Variants in ANK3 observed in about 807,000 individuals in gnomAD.
ANK3 encodes the protein ankyrin-3.
Under a neutral mutation model 370.9 loss-of-function variants are expected in ANK3, and 57 were observed. The observed-to-expected ratio is 0.15, with a 90% CI of 0.12 to 0.19. The LOEUF (loss-of-function observed/expected upper bound fraction) is 0.19, where lower values mean the gene tolerates loss of function less well. Ranked by LOEUF, ANK3 falls within the 10% of genes least tolerant of loss-of-function variation. The pLI is 1.00. For missense variants in ANK3, 4,439 were observed against 5,302.1 expected (o/e 0.84, Z 5.06); for synonymous variants, 1,929 against 1,946.3 (o/e 0.99, Z 0.23).
At chr10:60,196,292 C>A in intron 15 of ANK3, 49 bp from the exon 16 acceptor site, 1 of 1,523,276 alleles carries the variant, frequency 6.6e-7, no homozygotes, top group South Asian at 1.1e-5. Context: ...TGTCTTAAAA[C>A]CAGAGGCTTA....
chr10:60,196,685 C>A (rs1591586927), intron 14 of ANK3, 60 bp from the exon 15 acceptor site: 2 of 1,098,642 alleles, frequency 1.8e-6, no homozygotes, highest in East Asian at 4.8e-5. Context: ...AAAACACACA[C>A]AAAACCCAAA....
rs753643114 is a variant in ANK3 at position 60,068,962 on chromosome 10, G to GGTGGTA, written c.11913_11918dup (p.Thr3977_Thr3978dup). On this transcript the variant is annotated inframe_insertion, in exon 37 of 44. Coordinates refer to ENST00000280772, the MANE Select transcript of ANK3 (RefSeq NM_020987.5). ...CTGTGCAGCTGGTGGTGGTGGTAGTGGTGGTAGTGGTGGTGGTGGTGGCAG... is the reference window on the plus strand; with the variant it reads ...CTGTGCAGCTGGTGGTGGTGGTAGTGGTGGTAGTGGTAGTGGTGGTGGTGGTGGCAG... 2 of 1,613,646 alleles carry GGTGGTA rather than the reference G, an allele frequency of 1.2e-6. No individual in the cohort carries two copies. Among genetic ancestry groups the GGTGGTA allele is most frequent in the Admixed American group, 1.7e-5 (1 of 59,960 alleles).
chr10:60,111,205 C>A (rs1474648837), intron 26 of ANK3, among the ~76,000 whole-genome samples: 1 of 152,134 alleles, frequency 6.6e-6, no homozygotes, highest in Non-Finnish European at 1.5e-5. Flanking sequence ...AATATCTCAG[C>A]TGTAAAGAAT....
upstream of ANK3, among the ~76,000 whole-genome samples, chr10:60,392,693 C>T (rs2063137337): frequency 6.6e-6 from 1 of 152,170 alleles, no homozygotes; most frequent in African/African-American, 2.4e-5. Flanking sequence ...CTTTGGGAGG[C>T]TGAGGTGGGC....
At chr10:60,177,802 G>C (rs748846013) in intron 18 of ANK3, among the ~76,000 whole-genome samples, 1 of 151,852 alleles carries the variant, frequency 6.6e-6, no homozygotes, top group Admixed American at 6.6e-5. Context: ...GGGTTTCGCC[G>C]TGTTAGCCAG....
At chr10:60,181,499 C>A (rs182070133) in intron 17 of ANK3, 72 bp from the exon 18 acceptor site, 204 of 1,385,638 alleles carry the variant, frequency 1.5e-4, no homozygotes, top group Middle Eastern at 5.4e-4. Context: ...TTTGAGAAAC[C>A]ATTTGTGAAT....
In ANK3 at chr10:60,071,597, T is replaced by A; in HGVS notation, c.9284A>T (p.Tyr3095Phe). 6.2e-7 allele frequency: 1 copy of A among 1,613,970 alleles called. No homozygotes were observed. The highest frequency in any genetic ancestry group is 8.5e-7 in the Non-Finnish European group (1 of 1,179,984). Residue 3095 changes from tyrosine (Y) to phenylalanine (F), a missense_variant, in exon 37 of 44, where the codon TAT (tyrosine) becomes TTT (phenylalanine). Physicochemically the swap from Tyr to Phe is conservative, Grantham distance 22. This residue lies in a region of ANK3 where 1,601 missense variants were observed against 1,731.7 expected (regional missense o/e 0.92). Transcript: ENST00000280772. The stretch of plus-strand genomic sequence containing the variant: ...CTTCCCCACTTGTACAAAACTGACA[T>A]AAACGGGTAAAGTTTTTATCTCTTT... ...GGKEIKTLPVYVSFVQVGKQY... is the reference protein window; with the variant it reads ...GGKEIKTLPVFVSFVQVGKQY...
chr10:60,179,836 G>A (rs946710590), intron 18 of ANK3, among the ~76,000 whole-genome samples: 3 of 152,056 alleles, frequency 2.0e-5, no homozygotes, highest in Non-Finnish European at 2.9e-5. Flanking sequence ...TCTCCTCCCC[G>A]ACCTGGCCTT....
intron 2 of ANK3, among the ~76,000 whole-genome samples, chr10:60,500,018 T>C (rs2075758163): frequency 6.6e-6 from 1 of 152,178 alleles, no homozygotes; most frequent in Non-Finnish European, 1.5e-5. Flanking sequence ...TCATCTAATA[T>C]AGAACAGAAA....
chr10:60,311,700 C>A (rs1287208464), intron 1 of ANK3, among the ~76,000 whole-genome samples: 1 of 152,140 alleles, frequency 6.6e-6, no homozygotes, highest in Non-Finnish European at 1.5e-5. Context: ...CAATTGTATT[C>A]CTCCCTCAGA....
At chr10:60,042,941 G>C in intron 42 of ANK3, 182 bp from the exon 43 acceptor site, 1 of 1,393,998 alleles carries the variant, frequency 7.2e-7, no homozygotes, top group South Asian at 1.7e-5. Context: ...CATCAAGCAA[G>C]CTAGAGAGCA....
chr10:60,202,924 A>T (rs542983432), intron 12 of ANK3, 78 bp downstream of exon 12: 7 of 990,046 alleles, frequency 7.1e-6, no homozygotes, highest in Non-Finnish European at 1.1e-5. Context: ...AATAAAAAAT[A>T]AAAAAAGTAG....
chr10:60,387,758 C>T (rs1357156751), intron 1 of ANK3, among the ~76,000 whole-genome samples: 1 of 152,156 alleles, frequency 6.6e-6, no homozygotes, highest in East Asian at 1.9e-4. Flanking sequence ...TGCTACAGCT[C>T]ATTGAGTCCA....
chr10:60,500,327 T>C (rs1199503123), intron 2 of ANK3, among the ~76,000 whole-genome samples: 2 of 152,138 alleles, frequency 1.3e-5, no homozygotes, highest in Non-Finnish European at 2.9e-5. Context: ...CTGTCAATCA[T>C]GCATACCAAA....
intron 2 of ANK3, among the ~76,000 whole-genome samples, chr10:60,447,457 T>G (rs980983680): frequency 6.6e-6 from 1 of 152,146 alleles, no homozygotes; most frequent in African/African-American, 2.4e-5. Flanking sequence ...TTTGTTTGTT[T>G]TCTGGTTAAA....
Position 60,069,818 on chromosome 10 carries a change from G to C in ANK3, c.11063C>G (p.Thr3688Ser), listed in dbSNP as rs1251601750. The change falls in exon 37 of 44, where the codon ACC becomes AGC. Residue 3688 changes from threonine (T) to serine (S), a missense_variant. By Grantham distance (58) the Thr-to-Ser change is moderately conservative (BLOSUM62 1). Around this residue, in one of 13 missense-constraint regions of ANK3, gnomAD observed 496 missense variants for 529.3 expected, o/e 0.94. Coordinates refer to ENST00000280772, the MANE Select transcript of ANK3 (RefSeq NM_020987.5). ...TGTGCCTTCCTGACACTCTCCGCTG[G>C]TCGGGATGCTGGGGTTAGGTTCCAC... ...PTVEPNPSIP[T>S]SGECQEGTSS... 6.2e-7 allele frequency: 1 copy of C among 1,614,098 alleles called. No homozygotes were observed. The highest frequency in any genetic ancestry group is 1.7e-5 in the Admixed American group (1 of 59,998).
chr10:60,183,901 C>A (rs2096262947), intron 17 of ANK3, among the ~76,000 whole-genome samples: 1 of 150,410 alleles, frequency 6.6e-6, no homozygotes, highest in Non-Finnish European at 1.5e-5. Flanking sequence ...GAGAAAACAT[C>A]AAATTAAAAT....
chr10:60,134,212 G>T, intron 25 of ANK3, 59 bp downstream of exon 25: 2 of 1,360,062 alleles, frequency 1.5e-6, no homozygotes, highest in African/African-American at 1.4e-5. Flanking sequence ...CAGAGAGCTT[G>T]ATTAAATCAT....
intron 2 of ANK3, among the ~76,000 whole-genome samples, chr10:60,440,864 G>A (rs563631120): frequency 6.6e-6 from 1 of 152,126 alleles, no homozygotes; most frequent in Admixed American, 6.5e-5. Flanking sequence ...GTGGCATATA[G>A]CCTCAACAAT....
Sources: gnomAD v4.1 joint callset for allele counts (sites outside exome capture counted in the v4.1 genomes callset) on GRCh38, gnomAD v4.1.1 for gene constraint, gnomAD v4.1.1 regional missense constraint, MANE v1.5 for transcripts, NCBI Gene and HGNC (gene_info 2026-07-23, HGNC 2026-07-21) for gene names.